Variants in GALNT2 observed in about 807,000 individuals in gnomAD.
GALNT2 encodes the protein polypeptide N-acetylgalactosaminyltransferase 2, also known as UDP-GalNAc:polypeptide N-acetylgalactosaminyltransferase 2.
Under a neutral mutation model 81.4 loss-of-function variants are expected in GALNT2, and 31 were observed. That is an observed-to-expected ratio of 0.38 (90% CI 0.29 to 0.51). The LOEUF is 0.51. GALNT2 is among the 20% of genes least tolerant of loss of function. GALNT2 has a pLI of 0.87. For synonymous variants in GALNT2, 303 were observed against 287.4 expected (o/e 1.05, Z -0.55); for missense variants, 629 against 765.7 (o/e 0.82, Z 2.11).
chr1:230,066,216 C>T (rs959990052), upstream of GALNT2, among the ~76,000 whole-genome samples: 2 of 152,202 alleles, frequency 1.3e-5, no homozygotes, highest in Non-Finnish European at 2.9e-5. Context: ...TTTAATATAT[C>T]AAGTTCTAAG....
At position 230,083,807 on chromosome 1, in the gene GALNT2, T is replaced by C. The variant is rs374701180; in HGVS notation, c.126+16401T>C. 1.8e-4 allele frequency among the ~76,000 whole-genome samples: 28 copies of C among 152,252 alleles called. 1 individual carries two copies. In the South Asian group the frequency reaches 5.8e-3, roughly 32 times the overall value. On this transcript the variant is annotated intron_variant, in intron 1 of 15. Coordinates refer to ENST00000366672, the MANE Select transcript of GALNT2 (RefSeq NM_004481.5). Reference sequence around the variant, plus strand: ...GATTGTTCAGGACCAAGTAAAACTCTGTAAGAAAGGGTTGGAAATCCTGGT... The same window carrying C: ...GATTGTTCAGGACCAAGTAAAACTCCGTAAGAAAGGGTTGGAAATCCTGGT...
chr1:230,233,442 G>A (rs921149203), intron 3 of GALNT2, among the ~76,000 whole-genome samples: 5 of 152,102 alleles, frequency 3.3e-5, no homozygotes, highest in African/African-American at 4.8e-5. Context: ...GTGAAACCAC[G>A]TCTCTACTAA....
At chr1:230,239,626 A>G (rs944063307) in intron 6 of GALNT2, among the ~76,000 whole-genome samples, 10 of 152,146 alleles carry the variant, frequency 6.6e-5, no homozygotes, top group Non-Finnish European at 1.3e-4. Context: ...GATTGTGCCC[A>G]CCCAGATTGA....
In GALNT2 at chr1:230,219,939, A is replaced by G. The variant is rs531088645; in HGVS notation, c.375-16075A>G. ...GGGCTTTCTTGTTTTGTAGCTGTGCATGATTTCTCCAGGTATTTCGTAAGT... is the reference window on the plus strand; with the variant it reads ...GGGCTTTCTTGTTTTGTAGCTGTGCGTGATTTCTCCAGGTATTTCGTAAGT... On this transcript the variant is annotated intron_variant, in intron 3 of 15. Coordinates refer to ENST00000366672, the MANE Select transcript of GALNT2 (RefSeq NM_004481.5). 3.3e-5 allele frequency among the ~76,000 whole-genome samples: 5 copies of G among 152,278 alleles called. No homozygotes were observed. The East Asian group carries it at 7.7e-4, about 24-fold the overall frequency.
chr1:230,116,483 C>T (rs1483567266), intron 1 of GALNT2, among the ~76,000 whole-genome samples: 2 of 152,230 alleles, frequency 1.3e-5, no homozygotes, highest in Non-Finnish European at 2.9e-5. Flanking sequence ...CTGCCTCGGC[C>T]TCCCAAAGTG....
intron 2 of GALNT2, among the ~76,000 whole-genome samples, chr1:230,190,584 C>T (rs531184426): frequency 5.9e-5 from 9 of 152,330 alleles, no homozygotes; most frequent in African/African-American, 2.2e-4. Context: ...TCCACACACG[C>T]CCATCTCTCT....
chr1:230,189,685 G>T (rs964906042), intron 2 of GALNT2, among the ~76,000 whole-genome samples: 1 of 152,192 alleles, frequency 6.6e-6, no homozygotes, highest in East Asian at 1.9e-4. Context: ...CATTTTAAGC[G>T]TTGTTAAGCA....
At chr1:230,210,931 T>C (rs1231744592) in intron 3 of GALNT2, among the ~76,000 whole-genome samples, 1 of 152,198 alleles carries the variant, frequency 6.6e-6, no homozygotes, top group African/African-American at 2.4e-5. Context: ...CAAACATTGC[T>C]GAAGCCAAGT....
At chr1:230,114,763 C>T (rs572974942) in intron 1 of GALNT2, among the ~76,000 whole-genome samples, 1 of 152,142 alleles carries the variant, frequency 6.6e-6, no homozygotes, top group Admixed American at 6.5e-5. Context: ...GCATTAATGG[C>T]AGTAAAGATG....
intron 2 of GALNT2, among the ~76,000 whole-genome samples, chr1:230,195,887 T>G (rs996035412): frequency 6.6e-6 from 1 of 151,974 alleles, no homozygotes; most frequent in Non-Finnish European, 1.5e-5. Context: ...GGAGGTGACA[T>G]GGCATTTGGC....
At chr1:230,251,375 G>A (rs1665541098) in intron 10 of GALNT2, among the ~76,000 whole-genome samples, 1 of 152,092 alleles carries the variant, frequency 6.6e-6, no homozygotes, top group Admixed American at 6.5e-5. Context: ...TAATAGTTTT[G>A]AGACTTTGAA....
intron 1 of GALNT2, among the ~76,000 whole-genome samples, chr1:230,170,437 A>AT (rs1662754305): frequency 6.6e-6 from 1 of 152,140 alleles, no homozygotes; most frequent in African/African-American, 2.4e-5. Context: ...TTCAATGGGG[A>AT]TTTTTATTAA....
At chr1:230,239,411 C>G (rs1198826458) in intron 6 of GALNT2, among the ~76,000 whole-genome samples, 1 of 152,190 alleles carries the variant, frequency 6.6e-6, no homozygotes, top group Non-Finnish European at 1.5e-5. Context: ...GTCCCAAAAC[C>G]TCAAAAGTGG....
intron 1 of GALNT2, among the ~76,000 whole-genome samples, chr1:230,124,059 C>A (rs558608230): frequency 6.6e-6 from 1 of 152,278 alleles, no homozygotes; most frequent in East Asian, 1.9e-4. Context: ...GATATGACTC[C>A]CTGTCCTTTG....
intron 6 of GALNT2, among the ~76,000 whole-genome samples, chr1:230,241,117 C>T (rs1387742231): frequency 3.9e-5 from 6 of 152,126 alleles, no homozygotes; most frequent in South Asian, 2.1e-4. Flanking sequence ...AAAATTGTTG[C>T]CTTTGAGTTA....
At chr1:230,256,965 C>T (rs1484197030) in intron 11 of GALNT2, among the ~76,000 whole-genome samples, 1 of 152,106 alleles carries the variant, frequency 6.6e-6, no homozygotes, top group Admixed American at 6.5e-5. Flanking sequence ...GGGAGGAGGT[C>T]CCTCTGGGAC....
chr1:230,236,457 T>G (rs1382930246), intron 5 of GALNT2, 37 bp downstream of exon 5: 3 of 1,597,564 alleles, frequency 1.9e-6, no homozygotes, highest in Non-Finnish European at 2.6e-6. Context: ...TGTGTCTGGC[T>G]CTTCTCTGGG....
intron 1 of GALNT2, among the ~76,000 whole-genome samples, chr1:230,166,127 TAAA>T (rs3831028): frequency 6.7e-6 from 1 of 149,318 alleles, no homozygotes; most frequent in Non-Finnish European, 1.5e-5. Context: ...TTGTAATTAA[TAAA>T]AAAAAAAGAC....
chr1:230,122,585 T>A (rs1661050893), intron 1 of GALNT2, among the ~76,000 whole-genome samples: 1 of 152,024 alleles, frequency 6.6e-6, no homozygotes, highest in African/African-American at 2.4e-5. Flanking sequence ...CCACAGTGGA[T>A]CAGCGTGCAG....
Sources: allele counts gnomAD v4.1 joint callset (sites outside exome capture counted in the v4.1 genomes callset), GRCh38; gene constraint gnomAD v4.1.1; transcripts MANE v1.5; gene names NCBI Gene and HGNC (gene_info 2026-07-23, HGNC 2026-07-21).